Variants in USP24 observed in about 807,000 individuals in gnomAD.
USP24 encodes the protein ubiquitin carboxyl-terminal hydrolase 24.
Under a neutral mutation model 361.6 loss-of-function variants are expected in USP24, and 97 were observed. The observed-to-expected ratio is 0.27, with a 90% CI of 0.23 to 0.32. The LOEUF is 0.32. USP24 is among the 10% of genes least tolerant of loss of function. The probability of loss-of-function intolerance (pLI) is 1.00; values close to 1 mark genes in which losing one functional copy is unlikely to be tolerated. For missense variants in USP24, 2,353 were observed against 3,165.6 expected (o/e 0.74, Z 6.16); for synonymous variants, 1,098 against 1,124.6 (o/e 0.98, Z 0.47).
intron 1 of USP24, among the ~76,000 whole-genome samples, chr1:55,179,352 C>T (rs934556265): frequency 6.6e-4 from 101 of 152,226 alleles, no homozygotes; most frequent in African/African-American, 2.4e-3. Context: ...AGTGCTAAGC[C>T]GCCTTCTCTT....
In USP24 at chr1:55,092,914, C is replaced by A; in HGVS notation, c.6357G>T (p.Met2119Ile). 6.5e-7 allele frequency: 1 copy of A among 1,544,786 alleles called. No individual in the cohort carries two copies. Among genetic ancestry groups the A allele is most frequent in the South Asian group, 1.3e-5 (1 of 79,498 alleles). ...TAAACTTGAGGTTCTCATCTCTCAC[C>A]ATCTACAAAAGAAGATTAATAATTA... ...VEKMPARIYQ[M>I]VRDENLKFMK... Residue 2119 changes from methionine to isoleucine, a missense_variant and splice_region_variant, in exon 53 of 68, where the codon ATG becomes ATT. Met to Ile is a conservative substitution (Grantham distance 10, BLOSUM62 1). Around this residue, in one of 8 missense-constraint regions of USP24, gnomAD observed 598 missense variants for 761.9 expected, o/e 0.78. Coordinates refer to ENST00000294383, the MANE Select transcript of USP24 (RefSeq NM_015306.3).
At chr1:55,133,022 A>C (rs74416564) in intron 30 of USP24, among the ~76,000 whole-genome samples, 4,418 of 152,314 alleles carry the variant, frequency 0.029, 155 homozygotes, top group African/African-American at 0.082. Flanking sequence ...TAATAAAATT[A>C]TAAGATTGCT....
intron 1 of USP24, among the ~76,000 whole-genome samples, chr1:55,184,075 G>A (rs548729207): frequency 6.6e-6 from 1 of 152,070 alleles, no homozygotes; most frequent in African/African-American, 2.4e-5. Flanking sequence ...GGGTTTTTTT[G>A]AGACAGGGTC....
chr1:55,083,985 G>C (rs978306453), intron 56 of USP24, 97 bp from the exon 57 acceptor site: 3 of 971,476 alleles, frequency 3.1e-6, no homozygotes, highest in South Asian at 3.1e-5. Flanking sequence ...AAGAACAAAA[G>C]GAAAGTCTGA....
intron 67 of USP24, among the ~76,000 whole-genome samples, chr1:55,069,539 C>T (rs1014254819): frequency 2.6e-5 from 4 of 152,264 alleles, no homozygotes; most frequent in East Asian, 1.9e-4. Flanking sequence ...TTGGCTTACA[C>T]ACTTGGCGAA....
intron 1 of USP24, among the ~76,000 whole-genome samples, chr1:55,192,930 C>T (rs1200605766): frequency 6.6e-6 from 1 of 152,136 alleles, no homozygotes; most frequent in Non-Finnish European, 1.5e-5. Context: ...ATGTGGTTCC[C>T]TGCATTAACC....
chr1:55,191,339 G>GA (rs1483348054), intron 1 of USP24, among the ~76,000 whole-genome samples: 1 of 152,090 alleles, frequency 6.6e-6, no homozygotes, highest in Admixed American at 6.6e-5. Context: ...AAATACAAAT[G>GA]AAAATATAAA....
At chr1:55,214,706 A>C (rs1224448200) in intron 1 of USP24, 84 bp downstream of exon 1, 2 of 1,073,762 alleles carry the variant, frequency 1.9e-6, no homozygotes, top group African/African-American at 1.7e-5. Flanking sequence ...CTCTCTCCCC[A>C]CACCAAGCCC....
At chr1:55,134,489 T>C (rs1646679468) in intron 28 of USP24, 76 bp from the exon 29 acceptor site, 1 of 1,286,756 alleles carries the variant, frequency 7.8e-7, no homozygotes, top group Admixed American at 2.0e-5. Flanking sequence ...TTACAAACAA[T>C]AAAAATACTA....
At chr1:55,153,723 G>T in intron 16 of USP24, 147 bp downstream of exon 16, 1 of 865,888 alleles carries the variant, frequency 1.2e-6, no homozygotes, top group South Asian at 1.8e-5. Context: ...TAAAGCATAG[G>T]TCATAAACAA....
intron 67 of USP24, chr1:55,071,217 T>C: frequency 1.0e-6 from 1 of 987,242 alleles, no homozygotes; most frequent in African/African-American, 1.7e-5. Context: ...AGACTGCTGT[T>C]AAGGAAAGTT....
chr1:55,198,128 CT>C (rs1489703674), intron 1 of USP24, among the ~76,000 whole-genome samples: 1 of 142,540 alleles, frequency 7.0e-6, no homozygotes, highest in Non-Finnish European at 1.5e-5. Context: ...ATTTATATTT[CT>C]TTTTTAAAAA....
rs753738704 is a variant in USP24 at position 55,156,916 on chromosome 1, G to C, written c.1446+32C>G. The C allele has an allele frequency of 3.9e-6, 6 of 1,547,134 alleles. No individual in the cohort carries two copies. In the South Asian group the frequency reaches 6.7e-5, roughly 17 times the overall value. On this transcript the variant is annotated intron_variant, in intron 12 of 67. Coordinates refer to ENST00000294383, the MANE Select transcript of USP24 (RefSeq NM_015306.3). Reference sequence around the variant, plus strand: ...GCTCTCCTGTAGTCCAAAAACATTAGCCAAAGGCAAAAATAATTCTGATCA... The same window carrying C: ...GCTCTCCTGTAGTCCAAAAACATTACCCAAAGGCAAAAATAATTCTGATCA...
chr1:55,195,534 C>T (rs1321311159), intron 1 of USP24, among the ~76,000 whole-genome samples: 1 of 152,116 alleles, frequency 6.6e-6, no homozygotes, highest in Non-Finnish European at 1.5e-5. Flanking sequence ...GGGAAAAAGA[C>T]AAATAAGAAA....
intron 39 of USP24, among the ~76,000 whole-genome samples, chr1:55,108,449 G>A (rs1263348373): frequency 6.6e-6 from 1 of 152,160 alleles, no homozygotes; most frequent in East Asian, 1.9e-4. Flanking sequence ...ACTGGGACCA[G>A]ATAGAAACCC....
chr1:55,213,054 A>T (rs2100966975), intron 1 of USP24, among the ~76,000 whole-genome samples: 1 of 152,326 alleles, frequency 6.6e-6, no homozygotes, highest in East Asian at 1.9e-4. Flanking sequence ...AGGTATGACA[A>T]AAGAAAAAAA....
chr1:55,183,736 TA>T (rs1411152357), intron 1 of USP24, among the ~76,000 whole-genome samples: 1 of 152,120 alleles, frequency 6.6e-6, no homozygotes, highest in Non-Finnish European at 1.5e-5. Context: ...TAAAATATAT[TA>T]TACAACCATA....
intron 12 of USP24, among the ~76,000 whole-genome samples, chr1:55,155,989 A>G (rs1647617451): frequency 6.6e-6 from 1 of 152,100 alleles, no homozygotes. Flanking sequence ...ACTTTTGTAA[A>G]CAATCCCCTG....
intron 3 of USP24, among the ~76,000 whole-genome samples, chr1:55,175,219 CTTTTTTTTTTTTTT>C (rs3072970): frequency 3.0e-5 from 2 of 66,928 alleles, no homozygotes; most frequent in African/African-American, 1.1e-4. Flanking sequence ...TACTGGGTCT[CTTTTTTTTTTTTTT>C]TTTTTTTTTT....
Sources: gnomAD v4.1 joint callset for allele counts (sites outside exome capture counted in the v4.1 genomes callset) on GRCh38, gnomAD v4.1.1 for gene constraint, gnomAD v4.1.1 regional missense constraint, MANE v1.5 for transcripts, NCBI Gene and HGNC (gene_info 2026-07-23, HGNC 2026-07-21) for gene names.